ZC3H12B: variants seen among roughly 807,000 people sequenced by gnomAD.
The protein encoded by ZC3H12B is zinc finger CCCH-type containing 12B, also known as probable ribonuclease ZC3H12B.
ZC3H12B carries 7 observed loss-of-function variants against 43.9 expected under a neutral mutation model. The ratio of observed to expected loss-of-function variants is 0.16; its 90% CI spans 0.09 to 0.30. The LOEUF (loss-of-function observed/expected upper bound fraction) is 0.30, where lower values mean the gene tolerates loss of function less well. Among genes scored for constraint, ZC3H12B ranks in the 10% least tolerant of loss-of-function variants. The pLI is 1.00. For missense variants in ZC3H12B, 475 were observed against 670.2 expected (o/e 0.71, Z 3.22); for synonymous variants, 222 against 241.7 (o/e 0.92, Z 0.76).
chrX:65,167,572 C>T, the ZC3H12B span, among the ~76,000 whole-genome samples: 3 of 111,624 alleles, frequency 2.7e-5, no homozygotes, highest in Admixed American at 9.6e-5. Flanking sequence ...TTTGCTAATT[C>T]TGTGTAGAAA....
the ZC3H12B span, chrX:65,328,623 T>C: frequency 2.0e-5 from 3 of 152,784 alleles, no homozygotes; most frequent in South Asian, 1.5e-4. Context: ...GTTACATATG[T>C]ATACATGTTT....
the ZC3H12B span, among the ~76,000 whole-genome samples, chrX:65,307,547 C>T: frequency 9.0e-6 from 1 of 111,460 alleles, no homozygotes. Flanking sequence ...AAATAAACAA[C>T]CAGTTAATTG....
At chrX:65,374,611 G>T (rs1364142835) in intron 2 of ZC3H12B, among the ~76,000 whole-genome samples, 1 of 109,961 alleles carries the variant, frequency 9.1e-6, no homozygotes, top group Non-Finnish European at 1.9e-5. Context: ...CATAGTATTT[G>T]GTTTTAACTT....
At chrX:65,455,156 G>T (rs1209203561) in intron 3 of ZC3H12B, among the ~76,000 whole-genome samples, 2 of 112,359 alleles carry the variant, frequency 1.8e-5, no homozygotes, top group Non-Finnish European at 3.7e-5. Flanking sequence ...AGAGAAGAAG[G>T]CTTCAGAAGA....
the ZC3H12B span, among the ~76,000 whole-genome samples, chrX:65,310,338 G>A: frequency 9.0e-6 from 1 of 111,509 alleles, no homozygotes; most frequent in African/African-American, 3.3e-5. Flanking sequence ...AAAATCACAA[G>A]CATTCCTATA....
chrX:65,043,066 C>T, the ZC3H12B span, among the ~76,000 whole-genome samples: 5 of 111,511 alleles, frequency 4.5e-5, no homozygotes, highest in African/African-American at 1.6e-4. Flanking sequence ...ATTCTCAATT[C>T]TGATTGACAT....
At chrX:65,439,414 CCCCTT>C (rs2067272700) in intron 3 of ZC3H12B, among the ~76,000 whole-genome samples, 1 of 111,592 alleles carries the variant, frequency 9.0e-6, no homozygotes, top group Non-Finnish European at 1.9e-5. Context: ...ATCTAAACAT[CCCCTT>C]ATGGGACCAA....
intron 3 of ZC3H12B, among the ~76,000 whole-genome samples, chrX:65,425,784 A>G (rs1417295484): frequency 1.8e-5 from 2 of 111,860 alleles, no homozygotes; most frequent in African/African-American, 6.5e-5. Context: ...TGTATGTTGA[A>G]AAAACCTGGC....
At chrX:65,474,961 T>C (rs1430264447) in intron 3 of ZC3H12B, among the ~76,000 whole-genome samples, 1 of 112,724 alleles carries the variant, frequency 8.9e-6, no homozygotes, top group Non-Finnish European at 1.9e-5. Flanking sequence ...TGATGCTTTC[T>C]CTTTATCTTT....
the ZC3H12B span, among the ~76,000 whole-genome samples, chrX:65,305,432 C>A: frequency 8.9e-6 from 1 of 111,917 alleles, no homozygotes; most frequent in East Asian, 2.8e-4. Context: ...GTGTTGGAAT[C>A]AGACTCATTA....
At chrX:65,392,639 C>G (rs2066639697) in intron 2 of ZC3H12B, among the ~76,000 whole-genome samples, 1 of 110,926 alleles carries the variant, frequency 9.0e-6, no homozygotes, top group South Asian at 3.8e-4. Flanking sequence ...GTGGGGGGCG[C>G]CTCTGCCCGG....
chrX:65,132,798 G>A, the ZC3H12B span, among the ~76,000 whole-genome samples: 72 of 111,117 alleles, frequency 6.5e-4, no homozygotes, highest in East Asian at 7.4e-3. Flanking sequence ...GATAGCCTCC[G>A]TAGTGATTAA....
At chrX:65,387,695 G>C (rs1003086492) in intron 2 of ZC3H12B, among the ~76,000 whole-genome samples, 1 of 111,888 alleles carries the variant, frequency 8.9e-6, no homozygotes, top group Non-Finnish European at 1.9e-5. Flanking sequence ...GATGTTAGCT[G>C]GTTATTTTGC....
chrX:65,311,164 A>C, the ZC3H12B span, among the ~76,000 whole-genome samples: 1 of 112,320 alleles, frequency 8.9e-6, no homozygotes, highest in Non-Finnish European at 1.9e-5. Flanking sequence ...ATTAAACTAA[A>C]GAGCTTCTGC....
chrX:65,039,494 G>A, the ZC3H12B span, among the ~76,000 whole-genome samples: 1 of 111,380 alleles, frequency 9.0e-6, no homozygotes, highest in Admixed American at 9.5e-5. Context: ...ACCTTTCACA[G>A]CCTTGAATTA....
At chrX:65,458,779 C>T (rs963018399) in intron 3 of ZC3H12B, among the ~76,000 whole-genome samples, 3 of 111,381 alleles carry the variant, frequency 2.7e-5, no homozygotes, top group African/African-American at 9.8e-5. Context: ...AATTGACACC[C>T]TAACATCACA....
At chrX:65,201,304 C>T in the ZC3H12B span, among the ~76,000 whole-genome samples, 2 of 111,374 alleles carry the variant, frequency 1.8e-5, no homozygotes, top group South Asian at 7.5e-4. Flanking sequence ...GGAATTTATC[C>T]ATTTCTTCTA....
At chrX:65,329,013 G>T in the ZC3H12B span, among the ~76,000 whole-genome samples, 32 of 110,504 alleles carry the variant, frequency 2.9e-4, no homozygotes, top group South Asian at 6.6e-3. Flanking sequence ...AAACATACAT[G>T]TGCATGTGTC....
At chrX:65,223,598 C>G in the ZC3H12B span, among the ~76,000 whole-genome samples, 5 of 112,310 alleles carry the variant, frequency 4.5e-5, no homozygotes, top group Non-Finnish European at 7.5e-5. Flanking sequence ...TCAGACTCTA[C>G]AAAGAACTCA....
Sources: allele counts gnomAD v4.1 joint callset (sites outside exome capture counted in the v4.1 genomes callset), GRCh38; gene constraint gnomAD v4.1.1; transcripts MANE v1.5; gene names NCBI Gene and HGNC (gene_info 2026-07-23, HGNC 2026-07-21).